Variants in NF1 observed in about 807,000 individuals in gnomAD.
The protein encoded by NF1 is neurofibromin.
NF1 carries 122 observed loss-of-function variants against 325.7 expected under a neutral mutation model. That is an observed-to-expected ratio of 0.37 (90% CI 0.32 to 0.44). The LOEUF (loss-of-function observed/expected upper bound fraction) is 0.44, where lower values mean the gene tolerates loss of function less well. Among genes scored for constraint, NF1 ranks in the 20% least tolerant of loss-of-function variants. The probability of loss-of-function intolerance (pLI) is 1.00; values close to 1 mark genes in which losing one functional copy is unlikely to be tolerated. For missense variants in NF1, 2,140 were observed against 3,415.4 expected (o/e 0.63, Z 9.31); for synonymous variants, 1,091 against 1,186.0 (o/e 0.92, Z 1.65).
chr17:31,183,025 A>G (rs769076000), intron 8 of NF1: 2 of 530,882 alleles, frequency 3.8e-6, no homozygotes, highest in African/African-American at 1.9e-5. Context: ...ATTTGCATGT[A>G]CTTAGGGTAT....
chr17:31,201,617 T>C, intron 11 of NF1, 132 bp downstream of exon 11: 1 of 699,312 alleles, frequency 1.4e-6, no homozygotes, highest in South Asian at 1.7e-5. Context: ...TAGGAAAATT[T>C]CTCCATGGTG....
At chr17:31,268,893 A>T (rs962487014) in intron 36 of NF1, among the ~76,000 whole-genome samples, 2 of 151,400 alleles carry the variant, frequency 1.3e-5, no homozygotes, top group African/African-American at 4.9e-5. Flanking sequence ...TTTTGTAGAG[A>T]TGAGGTTTTG....
intron 51 of NF1, among the ~76,000 whole-genome samples, chr17:31,354,413 A>T (rs1424959086): frequency 6.6e-6 from 1 of 152,194 alleles, no homozygotes; most frequent in Non-Finnish European, 1.5e-5. Flanking sequence ...ACATCATGGC[A>T]TCATGGGGAA....
Position 31,163,387 on chromosome 17 carries a change from A to G in NF1, c.479+11A>G, listed in dbSNP as rs2143674392. The G allele has an allele frequency of 6.2e-7, 1 of 1,612,896 alleles. No homozygotes were observed. The highest frequency in any genetic ancestry group is 8.5e-7 in the Non-Finnish European group (1 of 1,178,886). On this transcript the variant is annotated intron_variant, in intron 4 of 57. Transcript: ENST00000358273. Reference sequence around the variant, plus strand: ...TCGCATTTCTACCAGGTTAGTGTGTAAATCCACATGGGACTACTGAAGTAA... The same window carrying G: ...TCGCATTTCTACCAGGTTAGTGTGTGAATCCACATGGGACTACTGAAGTAA...
chr17:31,163,589 A>G (rs1053979660), intron 4 of NF1, among the ~76,000 whole-genome samples: 6 of 152,186 alleles, frequency 3.9e-5, no homozygotes, highest in Non-Finnish European at 8.8e-5. Flanking sequence ...GCTTGCGTAG[A>G]AATTTTATGC....
intron 1 of NF1, among the ~76,000 whole-genome samples, chr17:31,130,432 T>C (rs1200379052): frequency 2.6e-5 from 4 of 152,174 alleles, no homozygotes; most frequent in Non-Finnish European, 5.9e-5. Context: ...CATGTGGGCA[T>C]TGGCAGCAAC....
intron 4 of NF1, among the ~76,000 whole-genome samples, chr17:31,168,683 C>T (rs1488607789): frequency 1.3e-5 from 2 of 152,042 alleles, no homozygotes; most frequent in Non-Finnish European, 2.9e-5. Context: ...TATGTGGTTC[C>T]TAATGAATCA....
At chr17:31,366,676 C>A (rs886613380) in intron 57 of NF1, among the ~76,000 whole-genome samples, 1 of 152,110 alleles carries the variant, frequency 6.6e-6, no homozygotes, top group African/African-American at 2.4e-5. Context: ...ATTGCTTGAG[C>A]CCAAGAGTTC....
intron 10 of NF1, 124 bp from the exon 11 acceptor site, chr17:31,201,286 TC>T: frequency 6.7e-7 from 1 of 1,491,044 alleles, no homozygotes; most frequent in Non-Finnish European, 9.2e-7. Context: ...GATGTTCGTT[TC>T]AAGACCTTAA....
At chr17:31,099,497 C>G (rs574054733) in intron 1 of NF1, among the ~76,000 whole-genome samples, 1 of 151,796 alleles carries the variant, frequency 6.6e-6, no homozygotes, top group Admixed American at 6.6e-5. Flanking sequence ...TCTCCTTAAC[C>G]TGCCTTCGTG....
chr17:31,235,547 T>A, intron 27 of NF1, 64 bp from the exon 28 acceptor site: 1 of 1,596,698 alleles, frequency 6.3e-7, no homozygotes, highest in Non-Finnish European at 8.6e-7. Context: ...TGCTACTCTT[T>A]AGCTTCCTAC....
chr17:31,106,011 G>C (rs142660622), intron 1 of NF1, among the ~76,000 whole-genome samples: 2 of 152,196 alleles, frequency 1.3e-5, no homozygotes, highest in Non-Finnish European at 2.9e-5. Flanking sequence ...CTTTTGGGAA[G>C]TTATGTCTCT....
intron 13 of NF1, among the ~76,000 whole-genome samples, chr17:31,215,233 G>A (rs1278131518): frequency 6.6e-6 from 1 of 151,984 alleles, no homozygotes; most frequent in Admixed American, 6.6e-5. Flanking sequence ...CTCCAGCCTC[G>A]GCCTCCCCAA....
chr17:31,246,433 C>G (rs1440961759), intron 29 of NF1, among the ~76,000 whole-genome samples: 5 of 152,124 alleles, frequency 3.3e-5, no homozygotes, highest in Non-Finnish European at 7.4e-5. Context: ...CGTAAGTGTC[C>G]AAAGCATTTC....
At chr17:31,190,263 C>G (rs919310336) in intron 8 of NF1, among the ~76,000 whole-genome samples, 4 of 151,260 alleles carry the variant, frequency 2.6e-5, no homozygotes, top group African/African-American at 9.7e-5. Context: ...TCTCAAAAAA[C>G]AAAAAAACAA....
At chr17:31,173,159 G>A (rs778773498) in intron 5 of NF1, among the ~76,000 whole-genome samples, 3 of 152,178 alleles carry the variant, frequency 2.0e-5, no homozygotes, top group Admixed American at 1.3e-4. Context: ...GCTCACGCCT[G>A]TAATCCCAGC....
intron 1 of NF1, among the ~76,000 whole-genome samples, chr17:31,146,792 C>T (rs116970486): frequency 2.1e-3 from 322 of 152,298 alleles, no homozygotes; most frequent in Non-Finnish European, 4.0e-3. Context: ...CCCAGAATTG[C>T]GGTGGCTGAT....
chr17:31,261,887 C>T (rs2151466641), intron 35 of NF1, 30 bp downstream of exon 35: 1 of 1,611,520 alleles, frequency 6.2e-7, no homozygotes. Flanking sequence ...TAGTTGATTG[C>T]TTTCTTTTTG....
At chr17:31,265,112 G>T (rs1353507423) in intron 35 of NF1, 117 bp from the exon 36 acceptor site, 1 of 767,032 alleles carries the variant, frequency 1.3e-6, no homozygotes, top group African/African-American at 1.8e-5. Flanking sequence ...TAGAATGCCT[G>T]TTGCTTTTAA....
Sources: gnomAD v4.1 joint callset for allele counts (sites outside exome capture counted in the v4.1 genomes callset) on GRCh38, gnomAD v4.1.1 for gene constraint, MANE v1.5 for transcripts, NCBI Gene and HGNC (gene_info 2026-07-23, HGNC 2026-07-21) for gene names.